The following NECAB1 variants were observed in gnomAD, a reference collection of about 807,000 sequenced individuals.
NECAB1 encodes N-terminal EF-hand calcium binding protein 1.
In NECAB1, 29 loss-of-function variants were observed where a neutral mutation model predicts 57.5. That is an observed-to-expected ratio of 0.50 (90% CI 0.38 to 0.69). The LOEUF (loss-of-function observed/expected upper bound fraction) is 0.69, where lower values mean the gene tolerates loss of function less well. Among genes scored for constraint, NECAB1 ranks in the 30% least tolerant of loss-of-function variants. The pLI is 0.00. For synonymous variants in NECAB1, 142 were observed against 147.7 expected (o/e 0.96, Z 0.28); for missense variants, 372 against 413.8 (o/e 0.90, Z 0.88).
At chr8:90,822,312 C>T (rs776405426) in intron 2 of NECAB1, among the ~76,000 whole-genome samples, 1 of 151,876 alleles carries the variant, frequency 6.6e-6, no homozygotes, top group Non-Finnish European at 1.5e-5. Context: ...TTTTCCCTTT[C>T]CTTTAAAAAA....
At chr8:90,948,534 C>T (rs557816025) in intron 10 of NECAB1, among the ~76,000 whole-genome samples, 11 of 152,290 alleles carry the variant, frequency 7.2e-5, no homozygotes, top group African/African-American at 2.4e-4. Context: ...TATGTGTTCT[C>T]TTACTGTTAA....
At chr8:90,860,196 G>A (rs1192970962) in intron 3 of NECAB1, among the ~76,000 whole-genome samples, 1 of 151,550 alleles carries the variant, frequency 6.6e-6, no homozygotes, top group African/African-American at 2.4e-5. Context: ...TTCTCAGGAG[G>A]GTCATGGCCC....
At position 90,868,646 on chromosome 8, in the gene NECAB1, G is replaced by A. The variant is rs117493752; in HGVS notation, c.234-3482G>A. 3.7e-3 allele frequency among the ~76,000 whole-genome samples: 569 copies of A among 152,362 alleles called. 3 individuals are homozygous for A. The highest frequency in any genetic ancestry group is 5.5e-3 in the Non-Finnish European group (373 of 68,034). On this transcript the variant is annotated intron_variant, in intron 3 of 12. Coordinates refer to ENST00000417640, the MANE Select transcript of NECAB1 (RefSeq NM_022351.5). ...AATTTCTAAGCAGCAAAGCATTCAA[G>A]ATGTGGCCTGGTTGCTTCGAACAGC... is the stretch of plus-strand genomic sequence containing the variant.
intron 1 of NECAB1, among the ~76,000 whole-genome samples, chr8:90,800,063 A>G (rs1458452046): frequency 1.3e-5 from 2 of 151,980 alleles, no homozygotes; most frequent in Non-Finnish European, 2.9e-5. Context: ...TTTTTTGTGT[A>G]GCTATTGTAA....
At chr8:90,792,251 A>C (rs185950741) in intron 1 of NECAB1, among the ~76,000 whole-genome samples, 1 of 152,328 alleles carries the variant, frequency 6.6e-6, no homozygotes, top group Admixed American at 6.5e-5. Context: ...ACACTATTGC[A>C]AATACAACAG....
chr8:90,823,163 C>T (rs1251691541), intron 2 of NECAB1, among the ~76,000 whole-genome samples: 2 of 151,780 alleles, frequency 1.3e-5, no homozygotes, highest in South Asian at 2.1e-4. Flanking sequence ...TCACCTGAAT[C>T]GCTAAGCTGG....
At chr8:90,795,722 A>T (rs1267272579) in intron 1 of NECAB1, among the ~76,000 whole-genome samples, 6 of 151,936 alleles carry the variant, frequency 3.9e-5, no homozygotes, top group African/African-American at 1.2e-4. Context: ...ACACACACAC[A>T]CACACACACA....
chr8:90,823,241 T>C (rs1013861794), intron 2 of NECAB1, among the ~76,000 whole-genome samples: 3 of 151,880 alleles, frequency 2.0e-5, no homozygotes, highest in Non-Finnish European at 2.9e-5. Context: ...GGATTTATTC[T>C]ACCTCTAAGG....
intron 2 of NECAB1, among the ~76,000 whole-genome samples, chr8:90,813,701 ATT>A (rs1158676659): frequency 6.6e-6 from 1 of 151,678 alleles, no homozygotes; most frequent in African/African-American, 2.4e-5. Flanking sequence ...TAATTTTTAA[ATT>A]TTTTTTGTAG....
intron 3 of NECAB1, among the ~76,000 whole-genome samples, chr8:90,845,698 A>T (rs1812543868): frequency 1.3e-5 from 2 of 152,242 alleles, no homozygotes; most frequent in Admixed American, 1.3e-4. Flanking sequence ...CCAGAAAAAA[A>T]TCAAAGTGTA....
chr8:90,903,510 T>C (rs1245600427), intron 5 of NECAB1, among the ~76,000 whole-genome samples: 2 of 152,200 alleles, frequency 1.3e-5, no homozygotes, highest in Non-Finnish European at 2.9e-5. Flanking sequence ...ATTTTTTCTA[T>C]GGATCAATGA....
intron 9 of NECAB1, among the ~76,000 whole-genome samples, chr8:90,936,377 C>A (rs1280038227): frequency 2.0e-5 from 3 of 152,136 alleles, no homozygotes; most frequent in Non-Finnish European, 4.4e-5. Flanking sequence ...TGCTATGTGC[C>A]AAGTGTTGTA....
chr8:90,844,250 G>A (rs1812513648), intron 3 of NECAB1, among the ~76,000 whole-genome samples: 1 of 152,118 alleles, frequency 6.6e-6, no homozygotes, highest in Non-Finnish European at 1.5e-5. Context: ...CAGCAGGGGT[G>A]TCTTCATTCC....
Position 90,955,740 on chromosome 8 carries a change from G to T in NECAB1, c.*228G>T. 1 of 419,514 alleles carries T rather than the reference G, an allele frequency of 2.4e-6. No individual in the cohort carries two copies. The highest frequency in any genetic ancestry group is 4.2e-6 in the Non-Finnish European group (1 of 238,160). 26.0% of individuals were successfully genotyped at this position (419,514 alleles called of 1,614,324 possible). A position where few individuals can be genotyped will look rare whatever the true frequency, so the allele number is the denominator to read the frequency against. ...CTCAATATTTAATGCTAAATGCTTT[G>T]CTACATTGTAACTCACCTAAAACCT... is the stretch of plus-strand genomic sequence containing the variant. On this transcript the variant is annotated 3_prime_UTR_variant, in exon 13 of 13. Transcript: ENST00000417640.
chr8:90,923,582 G>A (rs1810183943), intron 6 of NECAB1, among the ~76,000 whole-genome samples: 1 of 152,194 alleles, frequency 6.6e-6, no homozygotes, highest in African/African-American at 2.4e-5. Context: ...TAAAATGTAT[G>A]GGGTCAACCA....
intron 1 of NECAB1, among the ~76,000 whole-genome samples, chr8:90,798,753 T>C (rs185851069): frequency 6.6e-6 from 1 of 152,360 alleles, no homozygotes; most frequent in Non-Finnish European, 1.5e-5. Flanking sequence ...AATGCTGCAA[T>C]GAATATACGA....
intron 5 of NECAB1, among the ~76,000 whole-genome samples, chr8:90,913,785 A>G (rs549093450): frequency 6.6e-6 from 1 of 152,270 alleles, no homozygotes; most frequent in African/African-American, 2.4e-5. Context: ...TGCATATCTG[A>G]GAAAAGGGAA....
At chr8:90,798,641 A>G (rs960552933) in intron 1 of NECAB1, among the ~76,000 whole-genome samples, 3 of 152,072 alleles carry the variant, frequency 2.0e-5, no homozygotes, top group Non-Finnish European at 4.4e-5. Flanking sequence ...GTTCTTTTTT[A>G]TGGCTGTGTA....
intron 3 of NECAB1, among the ~76,000 whole-genome samples, chr8:90,831,067 A>G (rs975626388): frequency 6.6e-6 from 1 of 152,040 alleles, no homozygotes; most frequent in Admixed American, 6.6e-5. Flanking sequence ...GTCTCCCATC[A>G]TCTCTCACCT....
Sources: allele counts gnomAD v4.1 joint callset (sites outside exome capture counted in the v4.1 genomes callset), GRCh38; gene constraint gnomAD v4.1.1; transcripts MANE v1.5; gene names NCBI Gene and HGNC (gene_info 2026-07-23, HGNC 2026-07-21).